The following GPC6 variants were observed in gnomAD, a reference collection of about 807,000 sequenced individuals.
GPC6 encodes the protein glypican 6, also known as glypican-6.
In GPC6, 14 loss-of-function variants were observed where a neutral mutation model predicts 55.2. That is an observed-to-expected ratio of 0.25 (90% CI 0.17 to 0.40). The LOEUF (loss-of-function observed/expected upper bound fraction) is 0.40, where lower values mean the gene tolerates loss of function less well. Among genes scored for constraint, GPC6 ranks in the 10% least tolerant of loss-of-function variants. The pLI, the probability that GPC6 is intolerant of heterozygous loss-of-function variation, is 1.00. For synonymous variants in GPC6, 278 were observed against 259.6 expected (o/e 1.07, Z -0.68); for missense variants, 641 against 708.5 (o/e 0.90, Z 1.08).
intron 2 of GPC6, among the ~76,000 whole-genome samples, chr13:93,764,628 G>A (rs1235587488): frequency 2.0e-5 from 3 of 149,834 alleles, no homozygotes; most frequent in Admixed American, 6.7e-5. Context: ...CACTCACAAA[G>A]GCCACCTATA....
intron 3 of GPC6, among the ~76,000 whole-genome samples, chr13:93,963,866 T>C (rs147814490): frequency 5.5e-4 from 84 of 152,324 alleles, no homozygotes; most frequent in African/African-American, 1.9e-3. Flanking sequence ...ACAAATGAAA[T>C]CTGGCTCATG....
At chr13:94,211,266 T>A (rs1463441716) in intron 4 of GPC6, among the ~76,000 whole-genome samples, 1 of 152,186 alleles carries the variant, frequency 6.6e-6, no homozygotes, top group Non-Finnish European at 1.5e-5. Flanking sequence ...AACAAATGAA[T>A]CTTTTGAGAA....
intron 6 of GPC6, among the ~76,000 whole-genome samples, chr13:94,322,207 TG>T (rs1374565784): frequency 6.6e-6 from 1 of 152,236 alleles, no homozygotes; most frequent in East Asian, 1.9e-4. Context: ...TTTCCCCTTT[TG>T]CTTGGCTCAC....
chr13:93,595,660 CA>C (rs1340203465), intron 2 of GPC6, among the ~76,000 whole-genome samples: 1 of 152,092 alleles, frequency 6.6e-6, no homozygotes, highest in Non-Finnish European at 1.5e-5. Flanking sequence ...TCTGATTGTA[CA>C]TAAAAAGATG....
rs1196105270 is a variant in GPC6 at position 93,493,897 on chromosome 13, A to G, written c.161-51366A>G. Among the ~76,000 whole-genome samples the G allele has an allele frequency of 1.3e-4, 15 of 111,862 alleles. 2 individuals carry two copies. The highest frequency in any genetic ancestry group is 2.9e-4 in the Non-Finnish European group (15 of 51,250). The allele number at this position is 111,862 out of a possible 152,430, so 73.4% of individuals were successfully genotyped here. On this transcript the variant is annotated intron_variant, in intron 1 of 8. Transcript: ENST00000377047. ...ACTGTGGTCTGAGAGATAGTTTGTT[A>G]TAATTTCTGTTCTTTTACATTTGCT...
At chr13:93,934,998 G>A (rs1360473474) in intron 3 of GPC6, among the ~76,000 whole-genome samples, 1 of 152,140 alleles carries the variant, frequency 6.6e-6, no homozygotes, top group Admixed American at 6.5e-5. Context: ...CTCTTTATGG[G>A]TGAATAATAT....
At chr13:94,262,980 A>G (rs185741244) in intron 4 of GPC6, among the ~76,000 whole-genome samples, 7 of 152,334 alleles carry the variant, frequency 4.6e-5, no homozygotes, top group Admixed American at 4.6e-4. Flanking sequence ...GCCTAACTAT[A>G]TGGCCATTGA....
intron 3 of GPC6, among the ~76,000 whole-genome samples, chr13:94,012,592 A>G (rs1219140238): frequency 3.3e-5 from 5 of 152,200 alleles, no homozygotes; most frequent in Non-Finnish European, 7.3e-5. Context: ...AAAAAACCAC[A>G]ATGTGTTGTG....
intron 4 of GPC6, among the ~76,000 whole-genome samples, chr13:94,044,838 TTTTAG>T (rs1264544994): frequency 6.6e-6 from 1 of 151,956 alleles, no homozygotes; most frequent in East Asian, 1.9e-4. Context: ...ATCAAGATCT[TTTTAG>T]TTTAATTTTT....
chr13:93,356,114 T>A (rs1880841241), intron 1 of GPC6, among the ~76,000 whole-genome samples: 1 of 152,138 alleles, frequency 6.6e-6, no homozygotes, highest in Non-Finnish European at 1.5e-5. Context: ...GTAAATATAA[T>A]CTTGGCCTTT....
At chr13:94,031,081 CGT>C (rs900171157) in intron 4 of GPC6, among the ~76,000 whole-genome samples, 22 of 145,816 alleles carry the variant, frequency 1.5e-4, no homozygotes, top group East Asian at 4.0e-4. Flanking sequence ...TGTGCGTGTG[CGT>C]GTGTGTGTGC....
rs78384535 is a variant in GPC6, at chr13:93,894,516, A to G, written c.711+63971A>G. On this transcript the variant is annotated intron_variant, in intron 3 of 8. Coordinates refer to ENST00000377047, the MANE Select transcript of GPC6 (RefSeq NM_005708.5). ...ACCAAAAAAAAATAAGCATGTAAGA[A>G]AAATAAATGTATGCTATGTATTTAT... Among the ~76,000 whole-genome samples, 706 of 152,314 alleles carry G rather than the reference A, an allele frequency of 4.6e-3. 8 individuals are homozygous for G. Among genetic ancestry groups the G allele is most frequent in the African/African-American group, 0.016 (677 of 41,568 alleles).
At chr13:93,660,041 C>T (rs1350428917) in intron 2 of GPC6, among the ~76,000 whole-genome samples, 1 of 151,966 alleles carries the variant, frequency 6.6e-6, no homozygotes, top group Non-Finnish European at 1.5e-5. Flanking sequence ...TTGCTATAAT[C>T]AGCATGGCAT....
intron 6 of GPC6, among the ~76,000 whole-genome samples, chr13:94,356,740 T>A (rs1407936952): frequency 1.3e-5 from 2 of 151,836 alleles, no homozygotes; most frequent in African/African-American, 4.8e-5. Flanking sequence ...AGAGCCTAAT[T>A]AAAATGAAAA....
chr13:94,220,999 C>T (rs767905900), intron 4 of GPC6, among the ~76,000 whole-genome samples: 12 of 152,048 alleles, frequency 7.9e-5, no homozygotes, highest in Admixed American at 3.9e-4. Flanking sequence ...ATAAGAAGAT[C>T]GGTTAGGACC....
chr13:94,402,542 G>A (rs548100330), intron 8 of GPC6, among the ~76,000 whole-genome samples: 17 of 152,192 alleles, frequency 1.1e-4, no homozygotes. Flanking sequence ...GGGAGATTTT[G>A]CCTCCCACCA....
intron 2 of GPC6, among the ~76,000 whole-genome samples, chr13:93,825,592 C>A (rs1444818672): frequency 1.3e-5 from 2 of 152,178 alleles, no homozygotes; most frequent in Admixed American, 6.5e-5. Flanking sequence ...CACTGTGGGT[C>A]TCCCTTCATT....
chr13:93,371,130 A>G (rs1874624410), intron 1 of GPC6, among the ~76,000 whole-genome samples: 1 of 152,168 alleles, frequency 6.6e-6, no homozygotes, highest in African/African-American at 2.4e-5. Flanking sequence ...GTTGAAATGT[A>G]ACATAGTTCT....
chr13:93,330,519 C>T (rs2139135732), intron 1 of GPC6, among the ~76,000 whole-genome samples: 1 of 139,728 alleles, frequency 7.2e-6, no homozygotes, highest in South Asian at 2.4e-4. Context: ...GAGTGAGACT[C>T]TGTTTCAAAA....
Sources: allele counts gnomAD v4.1 joint callset (sites outside exome capture counted in the v4.1 genomes callset), GRCh38; gene constraint gnomAD v4.1.1; transcripts MANE v1.5; gene names NCBI Gene and HGNC (gene_info 2026-07-23, HGNC 2026-07-21).